FRK: variants seen among roughly 807,000 people sequenced by gnomAD.
FRK encodes the protein fyn related Src family tyrosine kinase, also known as tyrosine-protein kinase FRK.
In FRK, 51 loss-of-function variants were observed where a neutral mutation model predicts 56.4. The ratio of observed to expected loss-of-function variants is 0.90; its 90% CI spans 0.72 to 1.14. The LOEUF is 1.14. Ranked by LOEUF, FRK falls within the 50% of genes most tolerant of loss-of-function variation. The pLI is 0.00. For synonymous variants in FRK, 245 were observed against 217.9 expected, an observed-to-expected ratio of 1.12 and a Z score of -1.10; for missense variants, 570 against 601.4, an observed-to-expected ratio of 0.95 and a Z score of 0.55.
Position 115,947,558 on chromosome 6 carries a change from G to A in FRK, c.959-3133C>T, listed in dbSNP as rs77608035. Among the ~76,000 whole-genome samples, 33 of 152,176 alleles carry A rather than the reference G, an allele frequency of 2.2e-4. 1 individual carries two copies. In the East Asian group the frequency reaches 6.2e-3, roughly 28 times the overall value. Reference sequence around the variant, plus strand: ...CAAAAACGATGAACATCACTTACAAGCCTGGCTCTTAAAATCTCCCACATC... The same window carrying A: ...CAAAAACGATGAACATCACTTACAAACCTGGCTCTTAAAATCTCCCACATC... On this transcript the variant is annotated intron_variant, in intron 5 of 7. Coordinates refer to ENST00000606080, the MANE Select transcript of FRK (RefSeq NM_002031.3).
chr6:116,082,848 A>G, the FRK span, among the ~76,000 whole-genome samples: 1 of 152,168 alleles, frequency 6.6e-6, no homozygotes, highest in African/African-American at 2.4e-5. Flanking sequence ...TGGAGTTTTC[A>G]AAGTATAGAT....
At chr6:115,991,137 C>T (rs911335497) in intron 2 of FRK, among the ~76,000 whole-genome samples, 1 of 151,820 alleles carries the variant, frequency 6.6e-6, no homozygotes, top group Admixed American at 6.6e-5. Context: ...GGAAACTTTA[C>T]TGAAGTTATT....
intron 1 of FRK, among the ~76,000 whole-genome samples, chr6:116,018,815 C>T (rs1239114784): frequency 6.6e-6 from 1 of 151,906 alleles, no homozygotes; most frequent in Non-Finnish European, 1.5e-5. Context: ...TTGAAATACT[C>T]AGAGCATAAT....
At chr6:115,955,957 C>T (rs756876245) in intron 5 of FRK, among the ~76,000 whole-genome samples, 1 of 152,114 alleles carries the variant, frequency 6.6e-6, no homozygotes, top group Non-Finnish European at 1.5e-5. Flanking sequence ...TTTTGTCTGA[C>T]AATTCTTATG....
At chr6:116,076,695 C>G in the FRK span, among the ~76,000 whole-genome samples, 1 of 152,170 alleles carries the variant, frequency 6.6e-6, no homozygotes, top group African/African-American at 2.4e-5. Context: ...CCAACCAATT[C>G]TCATGTGTTT....
intron 5 of FRK, among the ~76,000 whole-genome samples, chr6:115,945,139 G>A (rs1477601524): frequency 6.6e-6 from 1 of 152,100 alleles, no homozygotes; most frequent in Admixed American, 6.6e-5. Flanking sequence ...TTAATTCCAT[G>A]TCTTTGCTAT....
intron 2 of FRK, among the ~76,000 whole-genome samples, chr6:115,970,083 T>C (rs2114607994): frequency 6.6e-6 from 1 of 152,016 alleles, no homozygotes; most frequent in East Asian, 1.9e-4. Context: ...AAAGAAGACA[T>C]CCCACTTCCC....
chr6:115,936,570 G>A lies in FRK; in HGVS notation c.*5844C>T, dbSNP rs1193333705. The stretch of plus-strand genomic sequence containing the variant: ...TTCTAACCCAATGCAAGGAAGTTAA[G>A]AACACTGTAAAAAGATTAGAGGAAT... On this transcript the variant is annotated 3_prime_UTR_variant, in exon 8 of 8. Transcript: ENST00000606080. 6.6e-6 allele frequency: 1 copy of A among 152,136 alleles called. No individual in the cohort carries two copies. Among genetic ancestry groups the A allele is most frequent in the Non-Finnish European group, 1.5e-5 (1 of 68,034 alleles). The allele number at this position is 152,136 out of a possible 1,614,324, so 9.4% of individuals were successfully genotyped here. A position where few individuals can be genotyped will look rare whatever the true frequency, so the allele number is the denominator to read the frequency against.
At chr6:116,061,629 G>A (rs550337654), upstream of FRK, among the ~76,000 whole-genome samples, 1 of 152,290 alleles carries the variant, frequency 6.6e-6, no homozygotes, top group African/African-American at 2.4e-5. Context: ...AGTGGTTTTT[G>A]CTTGACCTTC....
At chr6:116,095,519 C>G in the FRK span, among the ~76,000 whole-genome samples, 1 of 152,166 alleles carries the variant, frequency 6.6e-6, no homozygotes, top group Non-Finnish European at 1.5e-5. Context: ...ATTATCCTAA[C>G]GTCTAATCTT....
chr6:116,000,098 T>C (rs1313803748), intron 2 of FRK, among the ~76,000 whole-genome samples: 1 of 152,168 alleles, frequency 6.6e-6, no homozygotes, highest in African/African-American at 2.4e-5. Flanking sequence ...TGTAAAGCTG[T>C]TTTGTTCCAT....
chr6:115,959,643 C>A (rs1773246610), intron 4 of FRK, among the ~76,000 whole-genome samples: 1 of 152,208 alleles, frequency 6.6e-6, no homozygotes. Context: ...ATTTGCACTT[C>A]AGTGGACACA....
chr6:116,073,080 C>A, the FRK span, among the ~76,000 whole-genome samples: 4 of 151,992 alleles, frequency 2.6e-5, no homozygotes, highest in African/African-American at 9.7e-5. Flanking sequence ...CTCCACTGTA[C>A]CCTGATTTTA....
At chr6:116,012,884 A>G (rs1243385131) in intron 1 of FRK, among the ~76,000 whole-genome samples, 3 of 152,196 alleles carry the variant, frequency 2.0e-5, no homozygotes, top group African/African-American at 7.2e-5. Flanking sequence ...TCCCCCAAAG[A>G]GAACACTTTC....
At chr6:116,023,005 G>C (rs1376823682) in intron 1 of FRK, among the ~76,000 whole-genome samples, 1 of 152,046 alleles carries the variant, frequency 6.6e-6, no homozygotes, top group Non-Finnish European at 1.5e-5. Context: ...GACTTAAAGA[G>C]ACACTTCACA....
At chr6:116,066,212 A>C in the FRK span, among the ~76,000 whole-genome samples, 31 of 152,212 alleles carry the variant, frequency 2.0e-4, no homozygotes, top group African/African-American at 7.2e-4. Context: ...CCAGCAAATA[A>C]AAAGCAGGCA....
chr6:115,977,105 C>T (rs1405433133), intron 2 of FRK, among the ~76,000 whole-genome samples: 2 of 152,112 alleles, frequency 1.3e-5, no homozygotes, highest in African/African-American at 2.4e-5. Context: ...TCTCCCTATA[C>T]CACTGCCTCA....
intron 4 of FRK, among the ~76,000 whole-genome samples, chr6:115,963,083 C>CT (rs1773446924): frequency 1.8e-5 from 1 of 54,996 alleles, no homozygotes. Flanking sequence ...ACAAAAAAAC[C>CT]TTCAAAAAAT....
intron 5 of FRK, among the ~76,000 whole-genome samples, chr6:115,945,785 A>G (rs1487161505): frequency 6.6e-6 from 1 of 152,134 alleles, no homozygotes; most frequent in Non-Finnish European, 1.5e-5. Context: ...TTCTTAGAAT[A>G]GGTTGCTCAT....
Sources: allele counts gnomAD v4.1 joint callset (sites outside exome capture counted in the v4.1 genomes callset), GRCh38; gene constraint gnomAD v4.1.1; transcripts MANE v1.5; gene names NCBI Gene and HGNC (gene_info 2026-07-23, HGNC 2026-07-21).